The following AMER1 variants were observed in gnomAD, a reference collection of about 807,000 sequenced individuals.
The protein encoded by AMER1 is APC membrane recruitment protein 1.
Under a neutral mutation model 53.0 loss-of-function variants are expected in AMER1, and 16 were observed. The ratio of observed to expected loss-of-function variants is 0.30; its 90% CI spans 0.20 to 0.46. The LOEUF (loss-of-function observed/expected upper bound fraction) is 0.46. AMER1 is among the 20% of genes least tolerant of loss of function. The pLI, the probability that AMER1 is intolerant of heterozygous loss-of-function variation, is 1.00. For synonymous variants in AMER1, 354 were observed against 331.9 expected, an observed-to-expected ratio of 1.07 and a Z score of -0.73; for missense variants, 947 against 884.9, an observed-to-expected ratio of 1.07 and a Z score of -0.89.
chrX:64,203,642 G>A (rs984071480), intron 1 of AMER1, among the ~76,000 whole-genome samples: 4 of 111,658 alleles, frequency 3.6e-5, no homozygotes, highest in African/African-American at 1.3e-4. Flanking sequence ...CCATGGGTGG[G>A]CAAGAGCCAG....
rs945221374 is a variant in AMER1, at chrX:64,197,928, A to G, written c.-98-4544T>C. 4.4e-5 allele frequency among the ~76,000 whole-genome samples: 5 copies of G among 112,967 alleles called. No individual in the cohort carries two copies. In the East Asian group the frequency reaches 1.4e-3, roughly 31 times the overall value. ...CAAATCAAGTGCATTACATAGCAGA[A>G]GCTAAAAACATTATAGTAACCAACT... On this transcript the variant is annotated intron_variant, in intron 1 of 1. Transcript: ENST00000374869.
rs1439328027 is a variant in AMER1, at chrX:64,186,926, G to A, written c.*2953C>T. 3.9e-6 allele frequency: 3 copies of A among 772,908 alleles called. No individual in the cohort carries two copies. The highest frequency in any genetic ancestry group is 4.6e-6 in the Non-Finnish European group (3 of 650,662). The allele number at this position is 772,908 out of a possible 1,213,427, so 63.7% of individuals were successfully genotyped here. On this transcript the variant is annotated 3_prime_UTR_variant, in exon 2 of 2. Transcript: ENST00000374869. ...ACAGCTGTCTGGCACTAGGCCTATT[G>A]GGTAATAAGATGAAGGCAGCTACTT...
At chrX:64,203,091 C>A (rs1283363204) in intron 1 of AMER1, among the ~76,000 whole-genome samples, 2 of 112,066 alleles carry the variant, frequency 1.8e-5, no homozygotes, top group African/African-American at 6.5e-5. Context: ...ATGGATGATC[C>A]CCCTGCTTAT....
chrX:64,204,689 G>A (rs985328425), intron 1 of AMER1, among the ~76,000 whole-genome samples: 2 of 113,269 alleles, frequency 1.8e-5, no homozygotes, highest in Non-Finnish European at 3.7e-5. Flanking sequence ...ATTTTTAAAC[G>A]GGAGGCTGGA....
intron 1 of AMER1, among the ~76,000 whole-genome samples, chrX:64,203,334 A>T (rs954425208): frequency 8.9e-6 from 1 of 111,736 alleles, no homozygotes; most frequent in South Asian, 3.8e-4. Context: ...CTTTCATATG[A>T]ATCAGGACAA....
At chrX:64,201,712 C>A (rs1373097592) in intron 1 of AMER1, among the ~76,000 whole-genome samples, 1 of 112,352 alleles carries the variant, frequency 8.9e-6, no homozygotes, top group African/African-American at 3.2e-5. Flanking sequence ...ATCTGTTAAG[C>A]AAGGGGGCTG....
chrX:64,190,598 C>T lies in AMER1; in HGVS notation c.2689G>A (p.Asp897Asn), dbSNP rs749609920. 6 of 1,211,822 alleles carry T rather than the reference C, an allele frequency of 5.0e-6. No homozygotes were observed. The highest frequency in any genetic ancestry group is 3.0e-5 in the East Asian group (1 of 33,830). The change falls in exon 2 of 2, where the codon GAC (aspartate) becomes AAC (asparagine). Residue 897 changes from aspartate to asparagine, a missense_variant. Coordinates refer to ENST00000374869, the MANE Select transcript of AMER1 (RefSeq NM_152424.4). ...TCCATCTCCAGGGTCTCTGCAGTGT[C>T]GAGAGAGCGGCTTCTCCTGTTGAGG... ...MALNRRSRSL[D>N]TAETLEMELS...
At position 64,188,735 on chromosome X, in the gene AMER1, C is replaced by G; in HGVS notation, c.*1144G>C. The G allele has an allele frequency of 1.2e-6, 1 of 801,343 alleles. No individual in the cohort carries two copies. The highest frequency in any genetic ancestry group is 1.5e-6 in the Non-Finnish European group (1 of 668,295). 66.0% of individuals were successfully genotyped at this position (801,343 alleles called of 1,213,427 possible). On this transcript the variant is annotated 3_prime_UTR_variant, in exon 2 of 2. Transcript: ENST00000374869. Reference sequence around the variant, plus strand: ...TGAGATACCTTAAGCTCTGCATGGTCTGAAATCCCCTTTCTTGCTGGCTGT... The same window carrying G: ...TGAGATACCTTAAGCTCTGCATGGTGTGAAATCCCCTTTCTTGCTGGCTGT...
chrX:64,198,888 G>A (rs779951503), intron 1 of AMER1, among the ~76,000 whole-genome samples: 3 of 112,557 alleles, frequency 2.7e-5, no homozygotes, highest in Middle Eastern at 4.6e-3. Flanking sequence ...ACCTGCCAAC[G>A]TGGACAAAGA....
Position 64,188,679 on chromosome X carries a change from C to G in AMER1, c.*1200G>C. 1 of 799,914 alleles carries G rather than the reference C, an allele frequency of 1.3e-6. No homozygotes were observed. The allele number at this position is 799,914 out of a possible 1,213,427, so 65.9% of individuals were successfully genotyped here. On this transcript the variant is annotated 3_prime_UTR_variant, in exon 2 of 2. Transcript: ENST00000374869. ...TTAAGGAACATTTTGTGTTGGGAGGCTTGAGAAGGGAGTTTTCCCTTTTAA... is the reference window on the plus strand; with the variant it reads ...TTAAGGAACATTTTGTGTTGGGAGGGTTGAGAAGGGAGTTTTCCCTTTTAA...
rs1034036673 is a variant in AMER1, at chrX:64,200,087, T to G, written c.-99+5483A>C. 2.6e-4 allele frequency among the ~76,000 whole-genome samples: 29 copies of G among 112,755 alleles called. 1 individual carries two copies. Among genetic ancestry groups the G allele is most frequent in the African/African-American group, 8.7e-4 (27 of 31,013 alleles). ...CCAGCTTGCCTTGAATGACAGGGAC[T>G]TTGGGAGCCACTTACTTGCCACTCC... On this transcript the variant is annotated intron_variant, in intron 1 of 1. Coordinates refer to ENST00000374869, the MANE Select transcript of AMER1 (RefSeq NM_152424.4).
intron 1 of AMER1, among the ~76,000 whole-genome samples, chrX:64,201,120 C>T (rs1056049823): frequency 1.8e-5 from 2 of 111,109 alleles, no homozygotes; most frequent in African/African-American, 3.3e-5. Flanking sequence ...TGCCTATGAC[C>T]ACACCAAGCC....
At position 64,192,527 on chromosome X, in the gene AMER1, C is replaced by T. The variant is rs925572949; in HGVS notation, c.760G>A (p.Ala254Thr). The T allele has an allele frequency of 3.3e-6, 4 of 1,206,400 alleles. No individual in the cohort carries two copies. The highest frequency in any genetic ancestry group is 3.4e-6 in the Non-Finnish European group (3 of 893,809). Residue 254 changes from alanine to threonine, a missense_variant, in exon 2 of 2, where the codon GCC (alanine) becomes ACC (threonine). By Grantham distance (58) the Ala-to-Thr change is moderately conservative. Coordinates refer to ENST00000374869, the MANE Select transcript of AMER1 (RefSeq NM_152424.4). Reference sequence around the variant, plus strand: ...ATGGGTTTTTCTGGATCTTTACAGGCCATTTTCTCAGTAGCTGGTGGAGAA... The same window carrying T: ...ATGGGTTTTTCTGGATCTTTACAGGTCATTTTCTCAGTAGCTGGTGGAGAA... ...EPSPPATEKM[A>T]CKDPEKPMEA... is the part of the protein sequence containing the mutation.
In AMER1 at chrX:64,188,499, G is replaced by A. The variant is rs1299271355; in HGVS notation, c.*1380C>T. The A allele has an allele frequency of 1.2e-5, 10 of 804,947 alleles. No individual in the cohort carries two copies. Among genetic ancestry groups the A allele is most frequent in the Non-Finnish European group, 1.5e-5 (10 of 670,357 alleles). 66.3% of individuals were successfully genotyped at this position (804,947 alleles called of 1,213,427 possible). ...CATAAAGGGCTGCAACTGCCAAGAA[G>A]CCCTGTCATTTGATGATGCTAAGGA... On this transcript the variant is annotated 3_prime_UTR_variant, in exon 2 of 2. Coordinates refer to ENST00000374869, the MANE Select transcript of AMER1 (RefSeq NM_152424.4).
In AMER1 at chrX:64,191,870, C is replaced by G. The variant is rs1349239165; in HGVS notation, c.1417G>C (p.Asp473His). 8.3e-7 allele frequency: 1 copy of G among 1,211,564 alleles called. No individual in the cohort carries two copies. The highest frequency in any genetic ancestry group is 2.2e-5 in the Admixed American group (1 of 46,049). The part of the protein sequence containing the change: ...SAPNSDEGYY[D>H]STTPGFEDDS... ...TCCTCAAATCCAGGTGTGGTGGAGT[C>G]ATAATAACCTTCATCACTATTGGGG... The change falls in exon 2 of 2, where the codon GAC becomes CAC. Residue 473 changes from aspartate (D) to histidine (H), a missense_variant. Physicochemically the swap from Asp to His is moderately conservative, Grantham distance 81 (BLOSUM62 -1). Coordinates refer to ENST00000374869, the MANE Select transcript of AMER1 (RefSeq NM_152424.4).
rs759968991 is a variant in AMER1, at chrX:64,191,766, C to T, written c.1521G>A (p.Glu507=). 1 of 1,209,962 alleles carries T rather than the reference C, an allele frequency of 8.3e-7. No homozygotes were observed. The highest frequency in any genetic ancestry group is 1.7e-5 in the African/African-American group (1 of 57,203). The change falls in exon 2 of 2, where the codon GAG becomes GAA. Residue 507 remains glutamate, a synonymous_variant. Transcript: ENST00000374869. ...CAAGGCTGTCATCTGGCTCATAGAA[C>T]TCATATAGGGCATCTCCACTGTAGC... ...RDSYSGDALY[E]FYEPDDSLEN...
rs1232506528 is a variant in AMER1, at chrX:64,188,254, T to A, written c.*1625A>T. 1 of 801,139 alleles carries A rather than the reference T, an allele frequency of 1.2e-6. No homozygotes were observed. Among genetic ancestry groups the A allele is most frequent in the African/African-American group, 2.2e-5 (1 of 45,381 alleles). The allele number at this position is 801,139 out of a possible 1,213,427, so 66.0% of individuals were successfully genotyped here. On this transcript the variant is annotated 3_prime_UTR_variant, in exon 2 of 2. Transcript: ENST00000374869. ...AGGGCGAGGGTGCAATAATCATAAT[T>A]TGAGTGAACACAGCCAAGCAAAAAA...
rs1602066116 is a variant in AMER1, at chrX:64,189,714, A to T, written c.*165T>A. 9.0e-7 allele frequency: 1 copy of T among 1,106,313 alleles called. No homozygotes were observed. The highest frequency in any genetic ancestry group is 3.3e-5 in the East Asian group (1 of 30,013). The allele number at this position is 1,106,313 out of a possible 1,213,427, so 91.2% of individuals were successfully genotyped here. On this transcript the variant is annotated 3_prime_UTR_variant, in exon 2 of 2. Coordinates refer to ENST00000374869, the MANE Select transcript of AMER1 (RefSeq NM_152424.4). ...TGAGTTGAACGTGGCCATAGATGGC[A>T]GAAGAGGCAAGTGGGAAAACCAAGG...
Position 64,187,550 on chromosome X carries a change from C to T in AMER1, c.*2329G>A, listed in dbSNP as rs1930134378. On this transcript the variant is annotated 3_prime_UTR_variant, in exon 2 of 2. Transcript: ENST00000374869. Reference sequence around the variant, plus strand: ...CAAAGGTTGGCCACCTCCTTTTTCTCTTCCCAGATAGGCTGGTGGCCCTTC... The same window carrying T: ...CAAAGGTTGGCCACCTCCTTTTTCTTTTCCCAGATAGGCTGGTGGCCCTTC... 9 of 779,355 alleles carry T rather than the reference C, an allele frequency of 1.2e-5. No homozygotes were observed. The highest frequency in any genetic ancestry group is 1.4e-5 in the Non-Finnish European group (9 of 653,764). 64.2% of individuals were successfully genotyped at this position (779,355 alleles called of 1,213,427 possible).
Sources: gnomAD v4.1 joint callset for allele counts (sites outside exome capture counted in the v4.1 genomes callset) on GRCh38, gnomAD v4.1.1 for gene constraint, MANE v1.5 for transcripts, NCBI Gene and HGNC (gene_info 2026-07-23, HGNC 2026-07-21) for gene names.